The following CCDC180 variants were observed in gnomAD, a reference collection of about 807,000 sequenced individuals.
CCDC180 encodes coiled-coil domain containing 180, also known as coiled-coil domain-containing protein 180.
A neutral mutation model predicts 209.2 loss-of-function variants in CCDC180; 154 were observed. That is an observed-to-expected ratio of 0.74 (90% CI 0.65 to 0.84). The LOEUF (loss-of-function observed/expected upper bound fraction) is 0.84, where lower values mean the gene tolerates loss of function less well. Ranked by LOEUF, CCDC180 falls within the 40% of genes least tolerant of loss-of-function variation. The pLI is 0.00. For synonymous variants in CCDC180, 778 were observed against 749.1 expected (o/e 1.04, Z -0.63); for missense variants, 1,874 against 1,997.3 (o/e 0.94, Z 1.18).
chr9:97,362,487 C>A (rs1437856671), intron 28 of CCDC180, 46 bp downstream of exon 28: 1 of 1,591,660 alleles, frequency 6.3e-7, no homozygotes. Flanking sequence ...GTCCATCCCC[C>A]CACACAAAGG....
chr9:97,347,376 G>C lies in CCDC180; in HGVS notation c.2561G>C (p.Arg854Pro). Residue 854 changes from arginine to proline, a missense_variant, in exon 20 of 37, where the codon CGG becomes CCG. Physicochemically the swap from Arg to Pro is moderately radical, Grantham distance 103 (BLOSUM62 -2). Transcript: ENST00000529487. The part of the protein sequence containing the change: ...KWFDQCSLNT[R>P]VTVATKINEL... ...TTTGACCAGTGTTCCCTCAACACCC[G>C]GGTCACCGTGGCCACCAAAATCAAT... 1 of 1,536,080 alleles carries C rather than the reference G, an allele frequency of 6.5e-7. No individual in the cohort carries two copies. Among genetic ancestry groups the C allele is most frequent in the Non-Finnish European group, 8.7e-7 (1 of 1,146,900 alleles).
In CCDC180 at chr9:97,370,683, G is replaced by T. The variant is rs757083347; in HGVS notation, c.4393G>T (p.Val1465Leu). ...QKLHLNLGHP[V>L]HFQEMESLHL... is the part of the protein sequence containing the mutation. ...GCTCCATCTAAATCTTGGACACCCC[G>T]TACATTTCCAAGAAATGGAGTCTCT... is the stretch of plus-strand genomic sequence containing the variant. Residue 1465 changes from valine to leucine, a missense_variant, in exon 33 of 37, where the codon GTA becomes TTA. By Grantham distance (32) the Val-to-Leu change is conservative. Transcript: ENST00000529487. The T allele has an allele frequency of 6.2e-7, 1 of 1,614,034 alleles. No homozygotes were observed. The highest frequency in any genetic ancestry group is 8.5e-7 in the Non-Finnish European group (1 of 1,179,956).
rs1184663608 is a variant in CCDC180 at position 97,316,284 on chromosome 9, C to T, written c.796-781C>T. ...TATAAATAGCATGAACCCCATCTTA[C>T]GGCTGTGGATCTGTAGGTTGAGGAA... On this transcript the variant is annotated intron_variant, in intron 8 of 36. Transcript: ENST00000529487. Among the ~76,000 whole-genome samples, 5 of 152,224 alleles carry T rather than the reference C, an allele frequency of 3.3e-5. No individual in the cohort carries two copies. In the South Asian group the frequency reaches 8.3e-4, roughly 25 times the overall value.
At chr9:97,309,366 G>T in intron 2 of CCDC180, 48 bp from the exon 3 acceptor site, 2 of 1,550,082 alleles carry the variant, frequency 1.3e-6, no homozygotes, top group Admixed American at 4.1e-5. Context: ...GTGCTAGGAA[G>T]TCAGCAGCTC....
chr9:97,322,499 G>A (rs768429435), intron 11 of CCDC180, among the ~76,000 whole-genome samples: 4 of 152,146 alleles, frequency 2.6e-5, no homozygotes, highest in Non-Finnish European at 5.9e-5. Context: ...CCACAGATAG[G>A]ATCAGTAAAT....
intron 11 of CCDC180, among the ~76,000 whole-genome samples, chr9:97,321,980 A>G (rs1833372899): frequency 6.6e-6 from 1 of 152,066 alleles, no homozygotes; most frequent in Non-Finnish European, 1.5e-5. Flanking sequence ...CTGCATGTGG[A>G]AGTCTGGGCT....
chr9:97,362,279 G>C lies in CCDC180; in HGVS notation c.3740G>C (p.Arg1247Pro), dbSNP rs752793099. The C allele has an allele frequency of 6.2e-7, 1 of 1,614,132 alleles. No homozygotes were observed. Among genetic ancestry groups the C allele is most frequent in the South Asian group, 1.1e-5 (1 of 91,080 alleles). ...TGRGAWACGS[R>P]GSSEAGAGGA... ...AGAGGCGCATGGGCCTGTGGGTCTCGGGGCAGCAGTGAGGCAGGGGCTGGT... is the reference window on the plus strand; with the variant it reads ...AGAGGCGCATGGGCCTGTGGGTCTCCGGGCAGCAGTGAGGCAGGGGCTGGT... The change falls in exon 28 of 37, where the codon CGG becomes CCG. Residue 1247 changes from arginine to proline, a missense_variant. Arg to Pro is a moderately radical substitution (Grantham distance 103, BLOSUM62 -2). Coordinates refer to ENST00000529487, the MANE Select transcript of CCDC180 (RefSeq NM_020893.6).
chr9:97,307,437 A>C (rs1343732429), upstream of CCDC180: 1 of 581,982 alleles, frequency 1.7e-6, no homozygotes, highest in African/African-American at 1.8e-5. Flanking sequence ...TACCGGGCTC[A>C]GGGGGACGGC....
chr9:97,366,622 C>T lies in CCDC180; in HGVS notation c.4111C>T (p.Gln1371Ter). 6.2e-7 allele frequency: 1 copy of T among 1,614,206 alleles called. No individual in the cohort carries two copies. Among genetic ancestry groups the T allele is most frequent in the South Asian group, 1.1e-5 (1 of 91,082 alleles). Residue 1371 changes from glutamine to a stop codon, truncating the protein, a stop_gained, in exon 31 of 37, where the codon CAG (glutamine) becomes TAG (stop). Transcript: ENST00000529487. LOFTEE classifies it high-confidence loss of function. This position sits in a 1 kb window ranked among gnomAD's most constrained non-coding sequence, Gnocchi z 4.3. ...RPDCMCDTFD[Q>*]CAENISKKIL... is the part of the protein sequence containing the mutation. ...TGACTGCATGTGTGACACCTTTGAC[C>T]AGTGCGCCGAGAACATTAGCAAAAA...
In CCDC180 at chr9:97,310,224, G is replaced by T. The variant is rs1010590262; in HGVS notation, c.260+620G>T. On this transcript the variant is annotated intron_variant, in intron 3 of 36. Coordinates refer to ENST00000529487, the MANE Select transcript of CCDC180 (RefSeq NM_020893.6). ...CAGGAAGGCCAGGGCACAGGACACT[G>T]CAGTTGTCCTTGTAACCTTGTTGGT... Among the ~76,000 whole-genome samples the T allele has an allele frequency of 2.0e-5, 3 of 152,208 alleles. No homozygotes were observed. The East Asian group carries it at 5.8e-4, about 29-fold the overall frequency.
Position 97,363,903 on chromosome 9 carries a change from C to T in CCDC180, c.3903-148C>T. The T allele has an allele frequency of 4.3e-6, 3 of 693,402 alleles. No individual in the cohort carries two copies. The South Asian group carries it at 5.4e-5, about 13-fold the overall frequency. The allele number at this position is 693,402 out of a possible 1,614,324, so 43.0% of individuals were successfully genotyped here. A position where few individuals can be genotyped will look rare whatever the true frequency, so the allele number is the denominator to read the frequency against. On this transcript the variant is annotated intron_variant, in intron 28 of 36. Coordinates refer to ENST00000529487, the MANE Select transcript of CCDC180 (RefSeq NM_020893.6). ...TCACAGCTGTTGAGAAGGGAAACGC[C>T]CCAAAGGGCTAGGCCCTAGAAATGG...
Position 97,325,031 on chromosome 9 carries a change from ACT to A in CCDC180, c.1387_1388del (p.Leu463GlyfsTer60). On this transcript the variant is annotated frameshift_variant, in exon 14 of 37. Coordinates refer to ENST00000529487, the MANE Select transcript of CCDC180 (RefSeq NM_020893.6). LOFTEE classifies it high-confidence loss of function. ...DLELLDKSFE[T>X]LADQTEWQSS... ...TCTGCCACTGCAGAAATCCTTCGAGACTCTGGCAGATCAGACAGAGTGGCAGA... is the reference window on the plus strand; with the variant it reads ...TCTGCCACTGCAGAAATCCTTCGAGACTGGCAGATCAGACAGAGTGGCAGA... The A allele has an allele frequency of 6.2e-7, 1 of 1,613,696 alleles. No homozygotes were observed. The highest frequency in any genetic ancestry group is 8.5e-7 in the Non-Finnish European group (1 of 1,179,864).
intron 18 of CCDC180, 67 bp from the exon 19 acceptor site, chr9:97,343,273 C>G: frequency 9.4e-7 from 1 of 1,064,774 alleles, no homozygotes; most frequent in Non-Finnish European, 1.4e-6. Flanking sequence ...TATCAAGGAA[C>G]CTGTGGTTGG....
rs753620768 is a variant in CCDC180, at chr9:97,350,571, C to T, written c.3002+16C>T. 8.5e-6 allele frequency: 13 copies of T among 1,535,814 alleles called. No homozygotes were observed. The highest frequency in any genetic ancestry group is 1.1e-5 in the Non-Finnish European group (13 of 1,146,714). ...AACACTGCAGGTGGGAGCCAGTGTC[C>T]AGGGCCTCTTCAGGCCACCTGAGTT... On this transcript the variant is annotated intron_variant, in intron 22 of 36. Coordinates refer to ENST00000529487, the MANE Select transcript of CCDC180 (RefSeq NM_020893.6).
At position 97,369,927 on chromosome 9, in the gene CCDC180, C is replaced by T. The variant is rs773253619; in HGVS notation, c.4195C>T (p.Arg1399Trp). The T allele has an allele frequency of 9.3e-6, 15 of 1,613,968 alleles. No homozygotes were observed. In the South Asian group the frequency reaches 1.1e-4, roughly 12 times the overall value. The part of the protein sequence containing the change: ...KYHNSCLIEL[R>W]IQIRRFEELL... The stretch of plus-strand genomic sequence containing the variant: ...CTTACCCGCACTTCTGGCAGAATTA[C>T]GGATCCAGATCAGGAGATTTGAGGA... The change falls in exon 32 of 37, where the codon CGG becomes TGG. Residue 1399 changes from arginine to tryptophan, a missense_variant. Transcript: ENST00000529487.
intron 18 of CCDC180, among the ~76,000 whole-genome samples, chr9:97,335,051 A>G (rs1429218248): frequency 1.3e-5 from 2 of 152,206 alleles, no homozygotes; most frequent in Non-Finnish European, 2.9e-5. Context: ...TTGTATTGAA[A>G]TTACCAGTCC....
rs1827025766 is a variant in CCDC180 at position 97,369,790 on chromosome 9, A to G, written c.4190-132A>G. Reference sequence around the variant, plus strand: ...TGACCTCAGGACCTCTTTTGATGGAATAGCTCTTACCACGTTGGAGACCAA... The same window carrying G: ...TGACCTCAGGACCTCTTTTGATGGAGTAGCTCTTACCACGTTGGAGACCAA... On this transcript the variant is annotated intron_variant, in intron 31 of 36. Coordinates refer to ENST00000529487, the MANE Select transcript of CCDC180 (RefSeq NM_020893.6). 1.1e-5 allele frequency: 10 copies of G among 927,360 alleles called. No individual in the cohort carries two copies. The East Asian group carries it at 2.0e-4, about 19-fold the overall frequency. The allele number at this position is 927,360 out of a possible 1,614,324, so 57.4% of individuals were successfully genotyped here. A position where few individuals can be genotyped will look rare whatever the true frequency, so the allele number is the denominator to read the frequency against.
intron 19 of CCDC180, among the ~76,000 whole-genome samples, chr9:97,346,796 C>T (rs1175502269): frequency 2.6e-5 from 4 of 152,134 alleles, no homozygotes; most frequent in African/African-American, 9.7e-5. Context: ...AGGCTGGTCT[C>T]GAACTCCTAG....
intron 18 of CCDC180, among the ~76,000 whole-genome samples, chr9:97,334,014 G>A (rs1434410529): frequency 6.6e-6 from 1 of 151,778 alleles, no homozygotes; most frequent in African/African-American, 2.4e-5. Flanking sequence ...TTCTTTAAAG[G>A]GGGAACAAGG....
Sources: gnomAD v4.1 joint callset for allele counts (sites outside exome capture counted in the v4.1 genomes callset) on GRCh38, gnomAD v4.1.1 for gene constraint, Gnocchi (gnomAD v3.1) non-coding constraint, MANE v1.5 for transcripts, NCBI Gene and HGNC (gene_info 2026-07-23, HGNC 2026-07-21) for gene names.